The following SMIM24 variants were observed in gnomAD, a reference collection of about 807,000 sequenced individuals.
The protein encoded by SMIM24 is small integral membrane protein 24.
A neutral mutation model predicts 10.8 loss-of-function variants in SMIM24; 6 were observed. That is an observed-to-expected ratio of 0.55 (90% CI 0.30 to 1.09). SMIM24 has a LOEUF of 1.09. Among genes scored for constraint, SMIM24 ranks in the 50% least tolerant of loss-of-function variants. SMIM24 has a pLI of 0.06. For synonymous variants in SMIM24, 71 were observed against 62.4 expected (o/e 1.14, Z -0.65); for missense variants, 151 against 153.4 (o/e 0.98, Z 0.08).
At chr19:3,475,848 G>A (rs181254126) in intron 3 of SMIM24, among the ~76,000 whole-genome samples, 150 of 150,616 alleles carry the variant, frequency 1.0e-3, no homozygotes, top group Non-Finnish European at 1.8e-3. Flanking sequence ...TGGATGGAAG[G>A]ATGATAGATG....
At position 3,480,401 on chromosome 19, in the gene SMIM24, C is replaced by A; in HGVS notation, c.63G>T (p.Gln21His). ...CTCCCGCCCCCCTGCACCTACCCTGCTGGGCCTCCACCGGGGAGAGGAGCA... is the reference window on the plus strand; with the variant it reads ...CTCCCGCCCCCCTGCACCTACCCTGATGGGCCTCCACCGGGGAGAGGAGCA... ...EFLLLSPVEA[Q>H]QATEHRLKPW... The change falls in exon 1 of 4, where the codon CAG becomes CAT. Residue 21 changes from glutamine to histidine, a missense_variant. Physicochemically the swap from Gln to His is conservative, Grantham distance 24 (BLOSUM62 0). Transcript: ENST00000215531. 1 of 1,547,740 alleles carries A rather than the reference C, an allele frequency of 6.5e-7. No homozygotes were observed. The highest frequency in any genetic ancestry group is 1.2e-5 in the South Asian group (1 of 83,884).
At chr19:3,479,759 A>AG (rs2082809854) in intron 1 of SMIM24, among the ~76,000 whole-genome samples, 1 of 103,064 alleles carries the variant, frequency 9.7e-6, no homozygotes, top group African/African-American at 3.9e-5. Context: ...GCAGAGGCTC[A>AG]GGGGGAGGGG....
In SMIM24 at chr19:3,474,805, TC is replaced by T; in HGVS notation, c.*37del. On this transcript the variant is annotated 3_prime_UTR_variant, in exon 4 of 4. Transcript: ENST00000215531. ...CTGCTTTTAGGGGGCAGAAGAGGCA[TC>T]TCTGGGGGACTGCCTGGAAGAGGCA... 6.5e-7 allele frequency: 1 copy of T among 1,543,060 alleles called. No homozygotes were observed. Among genetic ancestry groups the T allele is most frequent in the Non-Finnish European group, 8.7e-7 (1 of 1,144,052 alleles).
chr19:3,480,348 G>A (rs1178099354), intron 1 of SMIM24, 49 bp downstream of exon 1: 9 of 1,422,874 alleles, frequency 6.3e-6, no homozygotes, highest in Non-Finnish European at 8.5e-6. Flanking sequence ...GTGATCACCT[G>A]ACCAACTCCC....
chr19:3,478,733 C>T lies in SMIM24; in HGVS notation c.179+85G>A, dbSNP rs562640477. ...AATGGGAGACCTTCGGACTTTGAGGCTGGTGATGGGGGTACCAGAGAGGGT... is the reference window on the plus strand; with the variant it reads ...AATGGGAGACCTTCGGACTTTGAGGTTGGTGATGGGGGTACCAGAGAGGGT... On this transcript the variant is annotated intron_variant, in intron 2 of 3. Transcript: ENST00000215531. 419 of 927,176 alleles carry T rather than the reference C, an allele frequency of 4.5e-4. 5 individuals are homozygous for T. Among genetic ancestry groups the T allele is most frequent in the South Asian group, 3.0e-3 (192 of 63,100 alleles). The allele number at this position is 927,176 out of a possible 1,614,324, so 57.4% of individuals were successfully genotyped here.
intron 1 of SMIM24, among the ~76,000 whole-genome samples, chr19:3,479,413 G>C (rs1006011552): frequency 3.4e-5 from 5 of 147,116 alleles, no homozygotes; most frequent in African/African-American, 1.3e-4. Context: ...AGTCTGGGGG[G>C]TTGGGGCTTA....
chr19:3,480,111 G>A (rs973717263), intron 1 of SMIM24, among the ~76,000 whole-genome samples: 1 of 151,430 alleles, frequency 6.6e-6, no homozygotes, highest in Non-Finnish European at 1.5e-5. Context: ...GGAGGCCCGA[G>A]CTCAGAGTGG....
rs942855424 is a variant in SMIM24, at chr19:3,474,821, TG to T, written c.*21del. 1.3e-6 allele frequency: 2 copies of T among 1,549,344 alleles called. No homozygotes were observed. Among genetic ancestry groups the T allele is most frequent in the African/African-American group, 2.7e-5 (2 of 72,830 alleles). The stretch of plus-strand genomic sequence containing the variant: ...GAAGAGGCATCTCTGGGGGACTGCC[TG>T]GAAGAGGCAGCCAGGAATCTTCACA... On this transcript the variant is annotated 3_prime_UTR_variant, in exon 4 of 4. Coordinates refer to ENST00000215531, the MANE Select transcript of SMIM24 (RefSeq NM_001136503.2).
chr19:3,476,736 C>T (rs1355389525), intron 3 of SMIM24, among the ~76,000 whole-genome samples: 1 of 148,528 alleles, frequency 6.7e-6, no homozygotes, highest in Non-Finnish European at 1.5e-5. Context: ...GAGCCCCCAG[C>T]CCTGGATGGA....
chr19:3,479,338 A>T (rs563819579), intron 1 of SMIM24, among the ~76,000 whole-genome samples: 4 of 138,496 alleles, frequency 2.9e-5, no homozygotes, highest in Non-Finnish European at 6.2e-5. Flanking sequence ...TATAAAGGAG[A>T]ACAAGCTCAG....
Position 3,474,730 on chromosome 19 carries a change from G to A in SMIM24, c.*113C>T. Reference sequence around the variant, plus strand: ...CAAGCCTTCTTCACTTGAGAACACTGTATTCTGAATCCCAGATGGAGTCAT... The same window carrying A: ...CAAGCCTTCTTCACTTGAGAACACTATATTCTGAATCCCAGATGGAGTCAT... On this transcript the variant is annotated 3_prime_UTR_variant, in exon 4 of 4. Coordinates refer to ENST00000215531, the MANE Select transcript of SMIM24 (RefSeq NM_001136503.2). The A allele has an allele frequency of 2.2e-6, 3 of 1,344,124 alleles. No individual in the cohort carries two copies. Among genetic ancestry groups the A allele is most frequent in the Non-Finnish European group, 3.0e-6 (3 of 1,009,610 alleles). 83.3% of individuals were successfully genotyped at this position (1,344,124 alleles called of 1,614,324 possible).
In SMIM24 at chr19:3,480,404, G is replaced by C. The variant is rs2082814016; in HGVS notation, c.60C>G (p.Ala20=). Residue 20 remains alanine, a synonymous_variant, in exon 1 of 4, where the codon GCC becomes GCG. Transcript: ENST00000215531. ...CCGCCCCCCTGCACCTACCCTGCTG[G>C]GCCTCCACCGGGGAGAGGAGCAGAA... ...LEFLLLSPVE[A]QQATEHRLKP... 5 of 1,548,324 alleles carry C rather than the reference G, an allele frequency of 3.2e-6. No individual in the cohort carries two copies. Among genetic ancestry groups the C allele is most frequent in the African/African-American group, 1.4e-5 (1 of 72,890 alleles).
chr19:3,478,784 C>T, intron 2 of SMIM24, 34 bp downstream of exon 2: 1 of 1,089,390 alleles, frequency 9.2e-7, no homozygotes, highest in Non-Finnish European at 1.2e-6. Context: ...GGGGGCAGGG[C>T]TGTGGGGGCA....
intron 1 of SMIM24, 97 bp from the exon 2 acceptor site, chr19:3,479,026 G>C: frequency 1.0e-6 from 1 of 970,886 alleles, no homozygotes; most frequent in South Asian, 1.6e-5. Context: ...GGTCACTGGG[G>C]GTGCTCCGAC....
intron 1 of SMIM24, among the ~76,000 whole-genome samples, chr19:3,479,633 A>T: frequency 1.8e-5 from 2 of 109,196 alleles, no homozygotes; most frequent in South Asian, 3.4e-4. Flanking sequence ...CGAGGGGCTC[A>T]GGGAGGGGTC....
chr19:3,477,589 G>T (rs2082798943), intron 3 of SMIM24, among the ~76,000 whole-genome samples: 1 of 144,882 alleles, frequency 6.9e-6, no homozygotes, highest in Non-Finnish European at 1.5e-5. Context: ...GTGATGGATG[G>T]GTGAGTGGGT....
intron 2 of SMIM24, 108 bp downstream of exon 2, chr19:3,478,710 T>C (rs1367015389): frequency 3.4e-6 from 3 of 887,314 alleles, no homozygotes; most frequent in Middle Eastern, 3.6e-4. Flanking sequence ...AGCAGGGAAA[T>C]GGGAGACCTT....
intron 1 of SMIM24, among the ~76,000 whole-genome samples, chr19:3,479,406 C>CT (rs1312924507): frequency 2.1e-5 from 2 of 94,060 alleles, no homozygotes; most frequent in African/African-American, 8.7e-5. Context: ...AAAGAAGAGT[C>CT]TGGGGGGTTG....
chr19:3,476,445 T>C (rs2082792401), intron 3 of SMIM24, among the ~76,000 whole-genome samples: 1 of 151,614 alleles, frequency 6.6e-6, no homozygotes, highest in Non-Finnish European at 1.5e-5. Flanking sequence ...GGCAGACTGA[T>C]AGATGGATGT....
Sources: allele counts gnomAD v4.1 joint callset (sites outside exome capture counted in the v4.1 genomes callset), GRCh38; gene constraint gnomAD v4.1.1; transcripts MANE v1.5; gene names NCBI Gene and HGNC (gene_info 2026-07-23, HGNC 2026-07-21).